The following TMEM132D variants were observed in gnomAD, a reference collection of about 807,000 sequenced individuals.
The protein encoded by TMEM132D is mature OL transmembrane protein.
In TMEM132D, 21 loss-of-function variants were observed where a neutral mutation model predicts 62.3. That is an observed-to-expected ratio of 0.34 (90% CI 0.24 to 0.49). The LOEUF (loss-of-function observed/expected upper bound fraction) is 0.49. TMEM132D is among the 20% of genes least tolerant of loss of function. The pLI is 0.99. For missense variants in TMEM132D, 1,346 were observed against 1,402.8 expected (o/e 0.96, Z 0.65); for synonymous variants, 621 against 575.6 (o/e 1.08, Z -1.13).
chr12:129,367,125 C>T (rs1002162752), intron 3 of TMEM132D, among the ~76,000 whole-genome samples: 3 of 152,226 alleles, frequency 2.0e-5, no homozygotes, highest in African/African-American at 7.2e-5. Flanking sequence ...GCAAGACCTG[C>T]ACAAGACGAC....
In TMEM132D at chr12:129,247,057, T is replaced by G. The variant is rs77362095; in HGVS notation, c.1300-37394A>C. Reference sequence around the variant, plus strand: ...ATTTTCTTGTTATGTTTCTTCCTCCTTAATCAAAAAGATGTTTCAAAAGCC... The same window carrying G: ...ATTTTCTTGTTATGTTTCTTCCTCCGTAATCAAAAAGATGTTTCAAAAGCC... On this transcript the variant is annotated intron_variant, in intron 4 of 8. Transcript: ENST00000422113. Among the ~76,000 whole-genome samples, 1,224 of 152,344 alleles carry G rather than the reference T, an allele frequency of 8.0e-3. 16 individuals carry two copies. The highest frequency in any genetic ancestry group is 0.028 in the African/African-American group (1,164 of 41,586).
chr12:129,095,096 T>C (rs1158375499), intron 5 of TMEM132D, among the ~76,000 whole-genome samples: 1 of 151,698 alleles, frequency 6.6e-6, no homozygotes, highest in Non-Finnish European at 1.5e-5. Context: ...GAAGAGTTAA[T>C]GGGTGCAGCC....
At chr12:129,518,580 CATATAT>C (rs1426562176) in intron 3 of TMEM132D, among the ~76,000 whole-genome samples, 1 of 144,726 alleles carries the variant, frequency 6.9e-6, no homozygotes, top group Non-Finnish European at 1.5e-5. Flanking sequence ...CACACACACA[CATATAT>C]ATAAAAATAT....
intron 3 of TMEM132D, among the ~76,000 whole-genome samples, chr12:129,456,360 T>C (rs1398004182): frequency 1.3e-5 from 2 of 152,176 alleles, no homozygotes; most frequent in Non-Finnish European, 2.9e-5. Flanking sequence ...CCAGTGACCA[T>C]GGCTGAGGAG....
chr12:129,443,807 C>G (rs1286991242), intron 3 of TMEM132D, among the ~76,000 whole-genome samples: 1 of 152,190 alleles, frequency 6.6e-6, no homozygotes, highest in African/African-American at 2.4e-5. Flanking sequence ...CAGGCCTGAT[C>G]AATACACGTT....
chr12:129,650,230 G>A (rs772263439), intron 2 of TMEM132D, among the ~76,000 whole-genome samples: 12 of 152,026 alleles, frequency 7.9e-5, no homozygotes, highest in East Asian at 7.7e-4. Flanking sequence ...CCTATTGTAC[G>A]CATCTACCTG....
At chr12:129,180,622 A>G (rs1316187263) in intron 5 of TMEM132D, among the ~76,000 whole-genome samples, 1 of 152,202 alleles carries the variant, frequency 6.6e-6, no homozygotes, top group Non-Finnish European at 1.5e-5. Context: ...TTGAGTAAGG[A>G]GGAGAGTTAA....
chr12:129,402,270 T>A (rs998980313), intron 3 of TMEM132D, among the ~76,000 whole-genome samples: 3 of 152,220 alleles, frequency 2.0e-5, no homozygotes, highest in African/African-American at 7.2e-5. Flanking sequence ...CCCTGAGGTC[T>A]GCACAAAAGA....
intron 2 of TMEM132D, among the ~76,000 whole-genome samples, chr12:129,683,769 T>C (rs950843540): frequency 1.3e-5 from 2 of 152,182 alleles, no homozygotes; most frequent in African/African-American, 4.8e-5. Flanking sequence ...CTCTGATGAC[T>C]GAGACTGAGT....
intron 2 of TMEM132D, among the ~76,000 whole-genome samples, chr12:129,646,704 G>A (rs372031059): frequency 4.0e-5 from 6 of 151,822 alleles, no homozygotes; most frequent in Non-Finnish European, 7.4e-5. Flanking sequence ...GTGGGTATGC[G>A]TGTATATATA....
intron 2 of TMEM132D, among the ~76,000 whole-genome samples, chr12:129,634,788 T>A (rs1879436781): frequency 6.6e-6 from 1 of 152,198 alleles, no homozygotes; most frequent in Non-Finnish European, 1.5e-5. Flanking sequence ...CTGCACTAAT[T>A]TTTTTAAAAT....
intron 3 of TMEM132D, among the ~76,000 whole-genome samples, chr12:129,500,190 C>G (rs1417396822): frequency 1.3e-5 from 2 of 148,552 alleles, no homozygotes; most frequent in Non-Finnish European, 3.0e-5. Context: ...TCCCCTACTT[C>G]AGTTGGTTAC....
chr12:129,709,092 T>C (rs1272826648), intron 1 of TMEM132D, among the ~76,000 whole-genome samples: 1 of 152,212 alleles, frequency 6.6e-6, no homozygotes, highest in Non-Finnish European at 1.5e-5. Context: ...CCTTAAAAAT[T>C]GACCAAGAGT....
At chr12:129,102,423 G>A (rs908982184) in intron 5 of TMEM132D, among the ~76,000 whole-genome samples, 10 of 149,562 alleles carry the variant, frequency 6.7e-5, no homozygotes, top group South Asian at 2.1e-4. Flanking sequence ...ACGCACACTC[G>A]CACACTGGCA....
At chr12:129,287,023 G>A (rs1881319387) in intron 4 of TMEM132D, among the ~76,000 whole-genome samples, 1 of 151,414 alleles carries the variant, frequency 6.6e-6, no homozygotes, top group Non-Finnish European at 1.5e-5. Context: ...ACTCCAGCCT[G>A]GGCAACAGAG....
At chr12:129,247,685 C>T (rs1186170850) in intron 4 of TMEM132D, among the ~76,000 whole-genome samples, 3 of 152,336 alleles carry the variant, frequency 2.0e-5, no homozygotes, top group South Asian at 4.1e-4. Context: ...CTCAGCCCAA[C>T]GAGGGTTCTG....
intron 4 of TMEM132D, among the ~76,000 whole-genome samples, chr12:129,214,115 C>T (rs1171864188): frequency 6.6e-5 from 10 of 152,118 alleles, no homozygotes; most frequent in Admixed American, 4.6e-4. Flanking sequence ...AGGAAGCTCC[C>T]GATGGATGGT....
chr12:129,745,959 G>A (rs186054622), intron 1 of TMEM132D, among the ~76,000 whole-genome samples: 5 of 152,254 alleles, frequency 3.3e-5, no homozygotes, highest in Admixed American at 3.3e-4. Flanking sequence ...AAACTCTTTG[G>A]TGACTCAGGC....
intron 3 of TMEM132D, among the ~76,000 whole-genome samples, chr12:129,481,475 A>C (rs1264614939): frequency 6.8e-6 from 1 of 146,144 alleles, no homozygotes; most frequent in Non-Finnish European, 1.5e-5. Flanking sequence ...AAAAAAAAAA[A>C]AAAACCCACA....
Sources: allele counts gnomAD v4.1 joint callset (sites outside exome capture counted in the v4.1 genomes callset), GRCh38; gene constraint gnomAD v4.1.1; transcripts MANE v1.5; gene names NCBI Gene and HGNC (gene_info 2026-07-23, HGNC 2026-07-21).